Variants in NXPE3 observed in about 807,000 individuals in gnomAD.
NXPE3 encodes neurexophilin and PC-esterase domain family member 3.
A neutral mutation model predicts 46.1 loss-of-function variants in NXPE3; 26 were observed. The observed-to-expected ratio is 0.56, with a 90% CI of 0.41 to 0.78. The LOEUF (loss-of-function observed/expected upper bound fraction) is 0.78. Ranked by LOEUF, NXPE3 falls within the 30% of genes least tolerant of loss-of-function variation. The probability of loss-of-function intolerance (pLI) is 0.00; values close to 1 mark genes in which losing one functional copy is unlikely to be tolerated. For missense variants in NXPE3, 620 were observed against 686.0 expected, an observed-to-expected ratio of 0.90 and a Z score of 1.07; for synonymous variants, 272 against 257.9, an observed-to-expected ratio of 1.05 and a Z score of -0.52.
Position 101,808,846 on chromosome 3 carries a change from T to TAC in NXPE3, c.922+1721_922+1722insCA, listed in dbSNP as rs1560057808. ...ATATATATATATATATATATATATATATATATATATGAGACATTTATCTTT... is the reference window on the plus strand; with the variant it reads ...ATATATATATATATATATATATATATACATATATATATGAGACATTTATCTTT... On this transcript the variant is annotated intron_variant, in intron 6 of 7. Transcript: ENST00000273347. Among the ~76,000 whole-genome samples the TAC allele has an allele frequency of 6.1e-4, 80 of 130,958 alleles. 3 individuals are homozygous for TAC. Among genetic ancestry groups the TAC allele is most frequent in the Admixed American group, 1.7e-3 (21 of 12,654 alleles). 85.9% of individuals were successfully genotyped at this position (130,958 alleles called of 152,430 possible).
chr3:101,796,349 T>G (rs1352834736), intron 4 of NXPE3, among the ~76,000 whole-genome samples: 1 of 152,136 alleles, frequency 6.6e-6, no homozygotes, highest in Non-Finnish European at 1.5e-5. Context: ...AGATGGCGGG[T>G]GTGAAGTTGC....
chr3:101,807,483 C>T (rs1941472466), intron 6 of NXPE3, among the ~76,000 whole-genome samples: 1 of 151,894 alleles, frequency 6.6e-6, no homozygotes, highest in African/African-American at 2.4e-5. Flanking sequence ...CCACACCTGG[C>T]TGATTTTTGC....
chr3:101,818,955 G>A (rs112403820), intron 7 of NXPE3, among the ~76,000 whole-genome samples: 4,203 of 150,910 alleles, frequency 0.028, 67 homozygotes, highest in Middle Eastern at 0.041. Flanking sequence ...TAGTAGAGAC[G>A]GGTTTCACCG....
chr3:101,781,364 T>G (rs1295000486), intron 1 of NXPE3, among the ~76,000 whole-genome samples: 1 of 152,234 alleles, frequency 6.6e-6, no homozygotes, highest in Non-Finnish European at 1.5e-5. Context: ...TTGTTTAATA[T>G]TGAACTCAGG....
intron 4 of NXPE3, 82 bp from the exon 5 acceptor site, chr3:101,801,153 T>A: frequency 7.1e-7 from 1 of 1,402,176 alleles, no homozygotes; most frequent in Non-Finnish European, 9.7e-7. Context: ...CTCACAGAAG[T>A]GTGGGGAGCC....
At chr3:101,820,660 A>G (rs929492663) in intron 7 of NXPE3, among the ~76,000 whole-genome samples, 1 of 152,212 alleles carries the variant, frequency 6.6e-6, no homozygotes, top group Non-Finnish European at 1.5e-5. Context: ...GATAAAGAAA[A>G]TGTGGTACAT....
chr3:101,793,897 C>T (rs1940667894), intron 4 of NXPE3, among the ~76,000 whole-genome samples: 1 of 151,848 alleles, frequency 6.6e-6, no homozygotes, highest in African/African-American at 2.4e-5. Context: ...TCACCATGGT[C>T]TTTAAGACTC....
chr3:101,817,152 TG>T, intron 7 of NXPE3, 151 bp downstream of exon 7: 1 of 686,972 alleles, frequency 1.5e-6, no homozygotes, highest in Non-Finnish European at 2.6e-6. Flanking sequence ...GAGAGATGTG[TG>T]ACAGTTTCTG....
At chr3:101,808,854 T>TATATACATACATATATATATAC (rs770360739) in intron 6 of NXPE3, among the ~76,000 whole-genome samples, 2 of 100,348 alleles carry the variant, frequency 2.0e-5, no homozygotes, top group Non-Finnish European at 4.2e-5. Flanking sequence ...TATATATATA[T>TATATACATACATATATATATAC]ATGAGACATT....
intron 4 of NXPE3, among the ~76,000 whole-genome samples, chr3:101,785,974 G>A (rs879166634): frequency 3.9e-5 from 6 of 152,150 alleles, no homozygotes; most frequent in Non-Finnish European, 7.3e-5. Context: ...TAATAGTAAC[G>A]ATAATTGGAC....
chr3:101,808,854 T>TATACATATACACATATATATATAC (rs770360739), intron 6 of NXPE3, among the ~76,000 whole-genome samples: 3 of 100,348 alleles, frequency 3.0e-5, no homozygotes, highest in Non-Finnish European at 6.2e-5. Context: ...TATATATATA[T>TATACATATACACATATATATATAC]ATGAGACATT....
intron 5 of NXPE3, 31 bp from the exon 6 acceptor site, chr3:101,807,022 C>T: frequency 6.7e-7 from 1 of 1,493,510 alleles, no homozygotes; most frequent in Non-Finnish European, 9.3e-7. Context: ...GTTCCTGAAC[C>T]TGAGCTTGTG....
Position 101,824,208 on chromosome 3 carries a change from A to C in NXPE3, c.*2254A>C, listed in dbSNP as rs1048477340. The C allele has an allele frequency of 2.0e-5, 3 of 152,140 alleles. No homozygotes were observed. The highest frequency in any genetic ancestry group is 7.2e-5 in the African/African-American group (3 of 41,418). The allele number at this position is 152,140 out of a possible 1,614,324, so 9.4% of individuals were successfully genotyped here. On this transcript the variant is annotated 3_prime_UTR_variant, in exon 8 of 8. Coordinates refer to ENST00000273347, the MANE Select transcript of NXPE3 (RefSeq NM_145037.4). ...TTCTGATGCAATGGTGGTATTCCAC[A>C]CTGTGAGAAACACTAAGAGAAGAGG...
chr3:101,806,573 T>C (rs1941428318), intron 5 of NXPE3, among the ~76,000 whole-genome samples: 1 of 152,182 alleles, frequency 6.6e-6, no homozygotes, highest in Non-Finnish European at 1.5e-5. Context: ...AGAGTCCTGG[T>C]AATGATGAGC....
Position 101,816,813 on chromosome 3 carries a change from T to C in NXPE3, c.941T>C (p.Leu314Pro). The change falls in exon 7 of 8, where the codon CTA becomes CCA. Residue 314 changes from leucine to proline, a missense_variant. By Grantham distance (98) the Leu-to-Pro change is moderately conservative (BLOSUM62 -3). Coordinates refer to ENST00000273347, the MANE Select transcript of NXPE3 (RefSeq NM_145037.4). ...TTTGCAGAAACTAACAGTCTAGAAC[T>C]ATCTCAAGGCTCAGGAACTTTTCCT... ...RRIKETNSLE[L>P]SQGSGTFPSG... 1.2e-6 allele frequency: 2 copies of C among 1,613,854 alleles called. No individual in the cohort carries two copies. Among genetic ancestry groups the C allele is most frequent in the Non-Finnish European group, 1.7e-6 (2 of 1,179,746 alleles).
intron 3 of NXPE3, among the ~76,000 whole-genome samples, chr3:101,784,778 T>C (rs910349623): frequency 2.0e-5 from 3 of 152,174 alleles, no homozygotes; most frequent in African/African-American, 7.2e-5. Context: ...AGCTTGACTT[T>C]CCTCTCCCAC....
At chr3:101,811,907 G>A (rs1941727146) in intron 6 of NXPE3, among the ~76,000 whole-genome samples, 3 of 151,670 alleles carry the variant, frequency 2.0e-5, no homozygotes, top group Admixed American at 2.0e-4. Context: ...GCTAATTTTT[G>A]TATTTTTAGT....
At chr3:101,799,288 C>A (rs77784533) in intron 4 of NXPE3, among the ~76,000 whole-genome samples, 75 of 152,188 alleles carry the variant, frequency 4.9e-4, no homozygotes, top group African/African-American at 1.8e-3. Context: ...CATTCTCCTT[C>A]CACAATTTGT....
chr3:101,827,983 G>C lies in NXPE3; in HGVS notation c.*6029G>C, dbSNP rs912138708. ...CGCTATAAAGGGCGCCAGTGAGAGG[G>C]GCTGGCCTCCTCTTGCCACGAGGTC... On this transcript the variant is annotated 3_prime_UTR_variant, in exon 8 of 8. Coordinates refer to ENST00000273347, the MANE Select transcript of NXPE3 (RefSeq NM_145037.4). 1 of 152,212 alleles carries C rather than the reference G, an allele frequency of 6.6e-6. No individual in the cohort carries two copies. The highest frequency in any genetic ancestry group is 2.1e-4 in the South Asian group (1 of 4,830). The allele number at this position is 152,212 out of a possible 1,614,324, so 9.4% of individuals were successfully genotyped here. A position where few individuals can be genotyped will look rare whatever the true frequency, so the allele number is the denominator to read the frequency against.
Sources: gnomAD v4.1 joint callset for allele counts (sites outside exome capture counted in the v4.1 genomes callset) on GRCh38, gnomAD v4.1.1 for gene constraint, MANE v1.5 for transcripts, NCBI Gene and HGNC (gene_info 2026-07-23, HGNC 2026-07-21) for gene names.